ATP6V0A2: variants seen among roughly 807,000 people sequenced by gnomAD.
The protein encoded by ATP6V0A2 is V-type proton ATPase 116 kDa subunit a 2.
Under a neutral mutation model 104.4 loss-of-function variants are expected in ATP6V0A2, and 58 were observed. The observed-to-expected ratio is 0.56, with a 90% confidence interval of 0.45 to 0.69. The LOEUF is 0.69. ATP6V0A2 is among the 30% of genes least tolerant of loss of function. ATP6V0A2 has a pLI of 0.00. For synonymous variants in ATP6V0A2, 376 were observed against 397.9 expected, an observed-to-expected ratio of 0.95 and a Z score of 0.65; for missense variants, 938 against 1,062.9, an observed-to-expected ratio of 0.88 and a Z score of 1.63.
chr12:123,738,678 C>T (rs1956580197), intron 9 of ATP6V0A2, among the ~76,000 whole-genome samples: 1 of 152,210 alleles, frequency 6.6e-6, no homozygotes, highest in Admixed American at 6.5e-5. Context: ...TTTTGAATCA[C>T]AGGCTTTTCC....
rs1344683158 is a variant in ATP6V0A2 at position 123,747,855 on chromosome 12, G to A, written c.1724+130G>A. 1.1e-5 allele frequency: 7 copies of A among 665,744 alleles called. No homozygotes were observed. The Admixed American group carries it at 1.9e-4, about 18-fold the overall frequency. 41.2% of individuals were successfully genotyped at this position (665,744 alleles called of 1,614,324 possible). A position where few individuals can be genotyped will look rare whatever the true frequency, so the allele number is the denominator to read the frequency against. ...TATGATGTTGTATTTACATGATTCT[G>A]TTGAAGTTATTTAGATTTTCTGTGG... On this transcript the variant is annotated intron_variant, in intron 14 of 19. Transcript: ENST00000330342.
At chr12:123,727,395 C>T (rs976529812) in intron 5 of ATP6V0A2, among the ~76,000 whole-genome samples, 1 of 151,978 alleles carries the variant, frequency 6.6e-6, no homozygotes, top group Admixed American at 6.6e-5. Context: ...TCTCCTGCCT[C>T]AGCCTCCCGA....
At chr12:123,731,383 A>G (rs1377372839) in intron 6 of ATP6V0A2, 1 of 152,140 alleles carries the variant, frequency 6.6e-6, no homozygotes, top group Non-Finnish European at 1.5e-5. Context: ...ATTTTTAGCC[A>G]TTTTCCCCCA....
At chr12:123,726,591 G>A (rs1271924825) in intron 5 of ATP6V0A2, among the ~76,000 whole-genome samples, 1 of 152,180 alleles carries the variant, frequency 6.6e-6, no homozygotes, top group East Asian at 1.9e-4. Flanking sequence ...ATCAAATCCT[G>A]TCTAGTAGAA....
intron 6 of ATP6V0A2, chr12:123,731,600 A>T (rs1385833507): frequency 6.8e-6 from 1 of 146,252 alleles, no homozygotes; most frequent in East Asian, 1.9e-4. Flanking sequence ...CTGCCCAGCA[A>T]AGTGTTGGGA....
chr12:123,751,518 G>A (rs1413096647), intron 16 of ATP6V0A2, among the ~76,000 whole-genome samples: 3 of 152,096 alleles, frequency 2.0e-5, no homozygotes, highest in African/African-American at 4.8e-5. Flanking sequence ...AGCCGGTGTG[G>A]TGGTGTGCAC....
At chr12:123,736,006 G>T (rs555331803) in intron 8 of ATP6V0A2, among the ~76,000 whole-genome samples, 1 of 151,804 alleles carries the variant, frequency 6.6e-6, no homozygotes, top group African/African-American at 2.4e-5. Context: ...CCAAGTAGCC[G>T]GAATTACAGT....
intron 7 of ATP6V0A2, among the ~76,000 whole-genome samples, chr12:123,734,681 G>GA (rs1172746125): frequency 1.3e-5 from 2 of 152,204 alleles, no homozygotes; most frequent in Non-Finnish European, 2.9e-5. Flanking sequence ...AACAAAGTCA[G>GA]AAAACTCCTT....
rs550639691 is a variant in ATP6V0A2 at position 123,714,439 on chromosome 12, G to A, written c.117+1757G>A. 6.6e-5 allele frequency among the ~76,000 whole-genome samples: 10 copies of A among 152,298 alleles called. 1 individual carries two copies. The East Asian group carries it at 1.9e-3, about 29-fold the overall frequency. ...TGTTAGTAACCCTTGCAAGGGAAAGGGGGGCAGGTGGTGACTTCCGTGGTG... is the reference window on the plus strand; with the variant it reads ...TGTTAGTAACCCTTGCAAGGGAAAGAGGGGCAGGTGGTGACTTCCGTGGTG... On this transcript the variant is annotated intron_variant, in intron 1 of 19. Transcript: ENST00000330342.
At chr12:123,740,332 G>A (rs1277750015) in intron 9 of ATP6V0A2, among the ~76,000 whole-genome samples, 1 of 151,886 alleles carries the variant, frequency 6.6e-6, no homozygotes, top group Non-Finnish European at 1.5e-5. Context: ...AGCCTCCCAA[G>A]TAGCTGGGAC....
In ATP6V0A2 at chr12:123,744,415, T is replaced by C; in HGVS notation, c.1326+78T>C. On this transcript the variant is annotated intron_variant, in intron 11 of 19. Transcript: ENST00000330342. The surrounding 1 kb of genome is among the most constrained non-coding windows in gnomAD (Gnocchi z 5.4). ...GACCGAAAGAGAGACACCTCTTAGA[T>C]GTTTGCTGTAGGCTGCGGCTGTGCT... The C allele has an allele frequency of 6.3e-7, 1 of 1,597,086 alleles. No individual in the cohort carries two copies. The highest frequency in any genetic ancestry group is 1.1e-5 in the South Asian group (1 of 90,354).
rs1409000041 is a variant in ATP6V0A2 at position 123,760,908 on chromosome 12, A to AT, written c.*2883dup. 6.6e-6 allele frequency: 1 copy of AT among 152,070 alleles called. No homozygotes were observed. Among genetic ancestry groups the AT allele is most frequent in the Non-Finnish European group, 1.5e-5 (1 of 68,026 alleles). The allele number at this position is 152,070 out of a possible 1,614,324, so 9.4% of individuals were successfully genotyped here. On this transcript the variant is annotated 3_prime_UTR_variant, in exon 20 of 20. Transcript: ENST00000330342. ...CCCCTCAGCAGTTGTTTATTTAAAA[A>AT]TTTTTTTATTTTTTTTGAGACAGTG...
Position 123,758,023 on chromosome 12 carries a change from T to C in ATP6V0A2, c.2562T>C (p.Ser854=). ...LLSSKFNNDD[S]VA Reference sequence around the variant, plus strand: ...CATCAAAGTTCAATAACGACGACAGTGTGGCATGATCATATTGCTGTAACC... The same window carrying C: ...CATCAAAGTTCAATAACGACGACAGCGTGGCATGATCATATTGCTGTAACC... Residue 854 remains serine, a synonymous_variant, in exon 20 of 20, where the codon AGT becomes AGC. Transcript: ENST00000330342. The C allele has an allele frequency of 6.2e-7, 1 of 1,607,906 alleles. No individual in the cohort carries two copies.
At chr12:123,751,744 A>G (rs1219044941) in intron 16 of ATP6V0A2, among the ~76,000 whole-genome samples, 1 of 152,126 alleles carries the variant, frequency 6.6e-6, no homozygotes, top group Non-Finnish European at 1.5e-5. Context: ...CTACAAGCTT[A>G]TTAGGGGTTT....
Position 123,744,875 on chromosome 12 carries a change from G to A in ATP6V0A2, c.1515-7G>A, listed in dbSNP as rs1174086270. 6.2e-7 allele frequency: 1 copy of A among 1,614,110 alleles called. No homozygotes were observed. On this transcript the variant is annotated splice_polypyrimidine_tract_variant and splice_region_variant and intron_variant, in intron 12 of 19. Transcript: ENST00000330342. The surrounding 1 kb of genome is among the most constrained non-coding windows in gnomAD (Gnocchi z 5.4). ...GGTCAGCCTCCTCACTCTGCTTTTT[G>A]TTACAGTGACAGCGTCGTTAGACAC...
intron 17 of ATP6V0A2, 169 bp from the exon 18 acceptor site, chr12:123,754,251 T>C (rs994373968): frequency 1.5e-6 from 1 of 648,908 alleles, no homozygotes; most frequent in Non-Finnish European, 2.8e-6. Flanking sequence ...AGTGGCAGAG[T>C]GGTGAACAGA....
At chr12:123,735,495 AC>A (rs1956543755) in intron 7 of ATP6V0A2, 35 bp from the exon 8 acceptor site, 2 of 1,582,582 alleles carry the variant, frequency 1.3e-6, no homozygotes, top group Non-Finnish European at 1.7e-6. Flanking sequence ...TCTAGTGCTG[AC>A]AGATGTGAGA....
intron 19 of ATP6V0A2, 80 bp downstream of exon 19, chr12:123,757,066 A>C: frequency 5.6e-6 from 8 of 1,430,260 alleles, no homozygotes; most frequent in Non-Finnish European, 7.8e-6. Context: ...CCAAATATAC[A>C]CAGCCCCTGC....
chr12:123,740,157 C>CA (rs1238674588), intron 9 of ATP6V0A2, among the ~76,000 whole-genome samples: 2 of 150,478 alleles, frequency 1.3e-5, no homozygotes, highest in Non-Finnish European at 1.5e-5. Flanking sequence ...AACAAACAAA[C>CA]AAACAAACAA....
Sources: gnomAD v4.1 joint callset for allele counts (sites outside exome capture counted in the v4.1 genomes callset) on GRCh38, gnomAD v4.1.1 for gene constraint, Gnocchi (gnomAD v3.1) non-coding constraint, MANE v1.5 for transcripts, NCBI Gene and HGNC (gene_info 2026-07-23, HGNC 2026-07-21) for gene names.